The following PRICKLE1 variants were observed in gnomAD, a reference collection of about 807,000 sequenced individuals.
PRICKLE1 encodes prickle-like protein 1.
PRICKLE1 carries 14 observed loss-of-function variants against 70.2 expected under a neutral mutation model. The observed-to-expected ratio is 0.20, with a 90% CI of 0.13 to 0.31. The LOEUF (loss-of-function observed/expected upper bound fraction) is 0.31. Ranked by LOEUF, PRICKLE1 falls within the 10% of genes least tolerant of loss-of-function variation. The probability of loss-of-function intolerance (pLI) is 1.00; values close to 1 mark genes in which losing one functional copy is unlikely to be tolerated. For synonymous variants in PRICKLE1, 357 were observed against 379.9 expected, an observed-to-expected ratio of 0.94 and a Z score of 0.70; for missense variants, 821 against 1,026.2, an observed-to-expected ratio of 0.80 and a Z score of 2.73.
At chr12:42,563,958 A>G (rs907159088) in intron 1 of PRICKLE1, among the ~76,000 whole-genome samples, 1 of 151,936 alleles carries the variant, frequency 6.6e-6, no homozygotes, top group Non-Finnish European at 1.5e-5. Flanking sequence ...TTCTCCCACT[A>G]TGAAAAATGT....
At position 42,574,906 on chromosome 12, in the gene PRICKLE1, C is replaced by CT. The variant is rs879386873; in HGVS notation, c.-49+14558dup. Among the ~76,000 whole-genome samples, 268 of 127,598 alleles carry CT rather than the reference C, an allele frequency of 2.1e-3. 4 individuals carry two copies. In the Middle Eastern group the frequency reaches 0.025, roughly 12 times the overall value. 83.7% of individuals were successfully genotyped at this position (127,598 alleles called of 152,430 possible). A position where few individuals can be genotyped will look rare whatever the true frequency, so the allele number is the denominator to read the frequency against. ...TGTCTGCTATTTCTGCTTGGTAAAG[C>CT]TTTTTTTTTTTTTTAAGATTAAAAA... On this transcript the variant is annotated intron_variant, in intron 1 of 7. Coordinates refer to ENST00000345127, the MANE Select transcript of PRICKLE1 (RefSeq NM_153026.3).
At chr12:42,568,000 A>G (rs996977799) in intron 1 of PRICKLE1, among the ~76,000 whole-genome samples, 8 of 152,114 alleles carry the variant, frequency 5.3e-5, no homozygotes, top group Non-Finnish European at 8.8e-5. Context: ...TTGGTGTTTC[A>G]TAAATGTTCA....
intron 1 of PRICKLE1, among the ~76,000 whole-genome samples, chr12:42,494,426 C>T (rs1000550130): frequency 3.3e-5 from 5 of 152,190 alleles, no homozygotes; most frequent in African/African-American, 9.6e-5. Flanking sequence ...TATTCTAAAT[C>T]CTCTGTGGTC....
intron 1 of PRICKLE1, among the ~76,000 whole-genome samples, chr12:42,507,662 A>G (rs1156688263): frequency 2.0e-5 from 3 of 152,240 alleles, no homozygotes; most frequent in Non-Finnish European, 4.4e-5. Flanking sequence ...TCCATTCCCC[A>G]TCATACAGTC....
intron 7 of PRICKLE1, among the ~76,000 whole-genome samples, chr12:42,462,326 G>A (rs1036432494): frequency 1.3e-5 from 2 of 151,778 alleles, no homozygotes; most frequent in African/African-American, 2.4e-5. Flanking sequence ...TCAGCCTCCC[G>A]AGTAGCTGAA....
chr12:42,472,440 G>C lies in PRICKLE1; in HGVS notation c.77C>G (p.Ser26Cys), dbSNP rs2140125034. The part of the protein sequence containing the change: ...CQRSSTSDDD[S>C]GCALEEYAWV... ...GGCGTACTCCTCCAATGCACAGCCA[G>C]AGTCATCATCTGATGTGGAACTTCT... is the stretch of plus-strand genomic sequence containing the variant. The change falls in exon 2 of 8, where the codon TCT becomes TGT. Residue 26 changes from serine to cysteine, a missense_variant. Transcript: ENST00000345127. 6.2e-7 allele frequency: 1 copy of C among 1,614,158 alleles called. No individual in the cohort carries two copies. Among genetic ancestry groups the C allele is most frequent in the Non-Finnish European group, 8.5e-7 (1 of 1,180,022 alleles).
chr12:42,581,997 AT>A lies in PRICKLE1; in HGVS notation c.-49+7467del, dbSNP rs561892963. Reference sequence around the variant, plus strand: ...GAAGGGGAGGGAAAAAAAAAGAGTGATTTTTCTGATTTATTCCCAAAATTCA... The same window carrying A: ...GAAGGGGAGGGAAAAAAAAAGAGTGATTTTCTGATTTATTCCCAAAATTCA... On this transcript the variant is annotated intron_variant, in intron 1 of 7. Transcript: ENST00000345127. Among the ~76,000 whole-genome samples, 269 of 152,144 alleles carry A rather than the reference AT, an allele frequency of 1.8e-3. 1 individual carries two copies. Among genetic ancestry groups the A allele is most frequent in the African/African-American group, 6.1e-3 (252 of 41,506 alleles).
chr12:42,461,133 G>T (rs1270834678), intron 7 of PRICKLE1, among the ~76,000 whole-genome samples: 5 of 152,136 alleles, frequency 3.3e-5, no homozygotes, highest in African/African-American at 7.2e-5. Context: ...CACCCACCTC[G>T]GCCTCCCACA....
intron 1 of PRICKLE1, among the ~76,000 whole-genome samples, chr12:42,543,301 G>C (rs1306580891): frequency 6.6e-6 from 1 of 151,864 alleles, no homozygotes; most frequent in Non-Finnish European, 1.5e-5. Flanking sequence ...GTGTACAGTT[G>C]ACACTTGAAC....
chr12:42,460,807 T>C, intron 7 of PRICKLE1, 142 bp from the exon 8 acceptor site: 1 of 901,070 alleles, frequency 1.1e-6, no homozygotes, highest in South Asian at 1.4e-5. Flanking sequence ...AAAGCCAACA[T>C]GTATCTATGC....
At chr12:42,580,098 C>T (rs981187988) in intron 1 of PRICKLE1, among the ~76,000 whole-genome samples, 25 of 152,100 alleles carry the variant, frequency 1.6e-4, no homozygotes, top group African/African-American at 5.8e-4. Flanking sequence ...TGGTCTCGAA[C>T]TCTTGGCCTC....
intron 3 of PRICKLE1, chr12:42,469,827 A>C: frequency 1.9e-6 from 1 of 529,128 alleles, no homozygotes; most frequent in African/African-American, 2.7e-5. Flanking sequence ...AACCCTTATC[A>C]ACACAGAATT....
chr12:42,579,878 A>AT (rs960124566), intron 1 of PRICKLE1, among the ~76,000 whole-genome samples: 2,699 of 145,420 alleles, frequency 0.019, 55 homozygotes, highest in African/African-American at 0.055. Flanking sequence ...AGTTTATATT[A>AT]TTTTTTTTTT....
At position 42,472,546 on chromosome 12, in the gene PRICKLE1, G is replaced by A. The variant is rs755145462; in HGVS notation, c.-30C>T. 6.2e-7 allele frequency: 1 copy of A among 1,613,996 alleles called. No individual in the cohort carries two copies. Among genetic ancestry groups the A allele is most frequent in the Non-Finnish European group, 8.5e-7 (1 of 1,179,932 alleles). ...TTTAAAGCCTGGTTTCTCAGTCACA[G>A]GACATCAAACAATGGCTGCTGTGAA... On this transcript the variant is annotated 5_prime_UTR_variant, in exon 2 of 8. Transcript: ENST00000345127.
At chr12:42,549,399 A>G (rs761109025) in intron 1 of PRICKLE1, among the ~76,000 whole-genome samples, 8 of 152,168 alleles carry the variant, frequency 5.3e-5, no homozygotes, top group Non-Finnish European at 8.8e-5. Context: ...CCTGTTGTTA[A>G]ACTTATCTTG....
chr12:42,569,628 G>A (rs1163532697), intron 1 of PRICKLE1, among the ~76,000 whole-genome samples: 2 of 152,178 alleles, frequency 1.3e-5, no homozygotes, highest in Non-Finnish European at 2.9e-5. Flanking sequence ...CGATTGTACT[G>A]TTTCAGCTGT....
At chr12:42,519,193 C>CTTTTTTTTTTTTTTTTTTT (rs11342397) in intron 1 of PRICKLE1, among the ~76,000 whole-genome samples, 6 of 99,190 alleles carry the variant, frequency 6.0e-5, no homozygotes, top group Admixed American at 1.4e-4. Context: ...CCTTTTTTTC[C>CTTTTTTTTTTTTTTTTTTT]TTTTTTTTTT....
chr12:42,564,402 T>C (rs1177061288), intron 1 of PRICKLE1, among the ~76,000 whole-genome samples: 1 of 151,224 alleles, frequency 6.6e-6, no homozygotes, highest in Non-Finnish European at 1.5e-5. Flanking sequence ...AGGTCACGAG[T>C]TCGAGATCAG....
chr12:42,466,127 A>T (rs937541040), intron 6 of PRICKLE1, 67 bp downstream of exon 6: 127 of 1,536,676 alleles, frequency 8.3e-5, no homozygotes, highest in Admixed American at 2.5e-4. Flanking sequence ...AAGAAAAAAT[A>T]AGACTGGATA....
Sources: allele counts gnomAD v4.1 joint callset (sites outside exome capture counted in the v4.1 genomes callset), GRCh38; gene constraint gnomAD v4.1.1; transcripts MANE v1.5; gene names NCBI Gene and HGNC (gene_info 2026-07-23, HGNC 2026-07-21).